Variants in MEF2B observed in about 807,000 individuals in gnomAD.
The protein encoded by MEF2B is myocyte enhancer factor 2B.
In MEF2B, 15 loss-of-function variants were observed where a neutral mutation model predicts 32.2. That is an observed-to-expected ratio of 0.47 (90% CI 0.31 to 0.72). MEF2B has a LOEUF of 0.72. MEF2B is among the 30% of genes least tolerant of loss of function. MEF2B has a pLI of 0.05. For synonymous variants in MEF2B, 205 were observed against 225.6 expected (o/e 0.91, Z 0.82); for missense variants, 441 against 511.5 (o/e 0.86, Z 1.33).
chr19:19,161,459 G>A (rs375206863), intron 1 of MEF2B, among the ~76,000 whole-genome samples: 14 of 151,934 alleles, frequency 9.2e-5, no homozygotes, highest in East Asian at 7.7e-4. Context: ...TGCAGTTCAC[G>A]ATACGCCAAA....
At chr19:19,149,553 G>T in intron 2 of MEF2B, 124 bp from the exon 3 acceptor site, 2 of 1,321,386 alleles carry the variant, frequency 1.5e-6, no homozygotes, top group Non-Finnish European at 2.1e-6. Flanking sequence ...TGGCTGAGCT[G>T]GTAATTCTCA....
chr19:19,158,074 A>T (rs1184120919), intron 1 of MEF2B, among the ~76,000 whole-genome samples: 1 of 150,018 alleles, frequency 6.7e-6, no homozygotes, highest in East Asian at 2.0e-4. Context: ...CGTGTGATTT[A>T]TTTCAAAAGG....
chr19:19,147,942 G>A lies in MEF2B; in HGVS notation c.259-110C>T. 3 of 1,465,164 alleles carry A rather than the reference G, an allele frequency of 2.0e-6. No individual in the cohort carries two copies. The East Asian group carries it at 7.2e-5, about 35-fold the overall frequency. The allele number at this position is 1,465,164 out of a possible 1,614,324, so 90.8% of individuals were successfully genotyped here. On this transcript the variant is annotated intron_variant, in intron 3 of 8. Transcript: ENST00000424583. Reference sequence around the variant, plus strand: ...CCCCACCCAGCTCCATGAGTGGGGAGGAATGCAGGCATGGCCTGCTCTAGC... The same window carrying A: ...CCCCACCCAGCTCCATGAGTGGGGAAGAATGCAGGCATGGCCTGCTCTAGC...
Position 19,146,400 on chromosome 19 carries a change from TG to T in MEF2B, c.770-17del. 2 of 1,087,740 alleles carry T rather than the reference TG, an allele frequency of 1.8e-6. No homozygotes were observed. Among genetic ancestry groups the T allele is most frequent in the Non-Finnish European group, 1.3e-6 (1 of 797,014 alleles). 67.4% of individuals were successfully genotyped at this position (1,087,740 alleles called of 1,614,324 possible). ...AGGCCATATTCTGGTGGGCAGGAAT[TG>T]GGGGCTGAGGCCTGGACATCTCCTT... On this transcript the variant is annotated splice_polypyrimidine_tract_variant and intron_variant, in intron 7 of 8. Transcript: ENST00000424583.
chr19:19,152,625 A>G (rs1363881478), intron 1 of MEF2B, among the ~76,000 whole-genome samples: 1 of 152,126 alleles, frequency 6.6e-6, no homozygotes, highest in Non-Finnish European at 1.5e-5. Context: ...AATCCCTTGA[A>G]CCTGGGAGGC....
rs1281814190 is a variant in MEF2B, at chr19:19,149,389, G to T, written c.95C>A (p.Ala32Asp). The change falls in exon 3 of 9, where the codon GCC becomes GAC. Residue 32 changes from alanine (A) to aspartate (D), a missense_variant. Around this residue, in one of 2 missense-constraint regions of MEF2B, gnomAD observed 115 missense variants for 183.1 expected, o/e 0.63. Transcript: ENST00000424583. ...TKRKFGLMKK[A>D]YELSVLCDCE... ...GTCACAGAGCACGCTCAGCTCATAG[G>T]CCTTCTTCATCAGCCCGAACTTCCG... 7 of 1,613,896 alleles carry T rather than the reference G, an allele frequency of 4.3e-6. No homozygotes were observed.
Position 19,165,666 on chromosome 19 carries a change from A to AG in MEF2B, c.-30+4538dup, listed in dbSNP as rs1001736571. Among the ~76,000 whole-genome samples, 6 of 152,118 alleles carry AG rather than the reference A, an allele frequency of 3.9e-5. No individual in the cohort carries two copies. In the South Asian group the frequency reaches 8.3e-4, roughly 21 times the overall value. ...AGGGAGCCATGGAAGGTGTGTGAGG[A>AG]GGGGGAGGACTGTGGTCTGATTTGG... On this transcript the variant is annotated intron_variant, in intron 1 of 8. Transcript: ENST00000424583.
At chr19:19,158,163 T>C (rs2006975) in intron 1 of MEF2B, among the ~76,000 whole-genome samples, 83,222 of 150,742 alleles carry the variant, frequency 0.55, 23,536 homozygotes, top group East Asian at 0.75. Context: ...TCTCAGCTCA[T>C]TGAAACCTCC....
intron 1 of MEF2B, among the ~76,000 whole-genome samples, chr19:19,151,584 G>A (rs1024486969): frequency 3.9e-5 from 6 of 152,180 alleles, no homozygotes; most frequent in Non-Finnish European, 5.9e-5. Context: ...GGACGTCCCC[G>A]CTCCGCCAAC....
intron 1 of MEF2B, among the ~76,000 whole-genome samples, chr19:19,166,686 G>A (rs114478924): frequency 0.015 from 2,321 of 151,706 alleles, 68 homozygotes; most frequent in African/African-American, 0.052. Context: ...TTGAGCCCAG[G>A]AGTTCAAGGT....
chr19:19,153,020 G>C (rs1423548341), intron 1 of MEF2B, among the ~76,000 whole-genome samples: 1 of 152,224 alleles, frequency 6.6e-6, no homozygotes, highest in Non-Finnish European at 1.5e-5. Context: ...CCACGGCTGG[G>C]ATATGTTGCC....
chr19:19,159,241 TA>T (rs35056015), intron 1 of MEF2B, among the ~76,000 whole-genome samples: 1,255 of 87,992 alleles, frequency 0.014, 22 homozygotes, highest in African/African-American at 0.051. Context: ...GTGCGTGGCC[TA>T]AAAAAAAAAA....
chr19:19,145,820 A>C lies in MEF2B; in HGVS notation c.1084T>G (p.Leu362Val). 1 of 1,533,416 alleles carries C rather than the reference A, an allele frequency of 6.5e-7. No individual in the cohort carries two copies. Among genetic ancestry groups the C allele is most frequent in the South Asian group, 1.2e-5 (1 of 83,068 alleles). 95.0% of individuals were successfully genotyped at this position (1,533,416 alleles called of 1,614,324 possible). ...RPGPALRRLPLADGWPR is the reference protein window; with the variant it reads ...RPGPALRRLPVADGWPR ...TCCTACCGGGGCCAGCCGTCGGCCA[A>C]GGGCAGCCGGCGCAGGGCGGGCCCA... is the stretch of plus-strand genomic sequence containing the variant. The change falls in exon 9 of 9, where the codon TTG (leucine) becomes GTG (valine). Residue 362 changes from leucine to valine, a missense_variant. By Grantham distance (32) the Leu-to-Val change is conservative. Around this residue, in one of 2 missense-constraint regions of MEF2B, gnomAD observed 326 missense variants for 328.4 expected, o/e 0.99. Transcript: ENST00000424583. The surrounding 1 kb of genome is among the most constrained non-coding windows in gnomAD (Gnocchi z 4.6).
chr19:19,154,568 C>G (rs758994334), intron 1 of MEF2B, among the ~76,000 whole-genome samples: 1 of 152,164 alleles, frequency 6.6e-6, no homozygotes, highest in East Asian at 1.9e-4. Flanking sequence ...TTCAGCCTCC[C>G]AAGTAGCTGA....
chr19:19,152,752 C>A (rs1390027460), intron 1 of MEF2B, among the ~76,000 whole-genome samples: 1 of 152,242 alleles, frequency 6.6e-6, no homozygotes, highest in Non-Finnish European at 1.5e-5. Context: ...GTTCTCAGGG[C>A]TTCCCAGACC....
intron 3 of MEF2B, among the ~76,000 whole-genome samples, chr19:19,148,419 T>C (rs2060045099): frequency 6.6e-6 from 1 of 152,002 alleles, no homozygotes; most frequent in Non-Finnish European, 1.5e-5. Context: ...GAGCTGAAAT[T>C]TTGCCACTGC....
Position 19,146,601 on chromosome 19 carries a change from G to A in MEF2B, c.723C>T (p.Pro241=), listed in dbSNP as rs142032500. The A allele has an allele frequency of 7.7e-5, 124 of 1,607,122 alleles. No individual in the cohort carries two copies. The African/African-American group carries it at 1.3e-3, about 16-fold the overall frequency. ...GLQNPCSTAT[P]GPPLGSFPFL... ...AGGGGAAGCTCCCCAGTGGGGGTCC[G>A]GGAGTTGCAGTGGAGCAGGGGTTCT... The change falls in exon 7 of 9, where the codon CCC becomes CCT. Residue 241 remains proline (P), a synonymous_variant. Coordinates refer to ENST00000424583, the MANE Select transcript of MEF2B (RefSeq NM_001145785.2).
chr19:19,156,502 G>T (rs959662574), intron 1 of MEF2B, among the ~76,000 whole-genome samples: 1 of 151,890 alleles, frequency 6.6e-6, no homozygotes, highest in Admixed American at 6.6e-5. Context: ...CTCTAAAAAA[G>T]AATAATAATT....
intron 1 of MEF2B, among the ~76,000 whole-genome samples, chr19:19,156,591 C>A (rs574097300): frequency 6.6e-6 from 1 of 152,060 alleles, no homozygotes; most frequent in Non-Finnish European, 1.5e-5. Context: ...TCTCACAGAA[C>A]AGGAAAGTGC....
Sources: gnomAD v4.1 joint callset for allele counts (sites outside exome capture counted in the v4.1 genomes callset) on GRCh38, gnomAD v4.1.1 for gene constraint, gnomAD v4.1.1 regional missense constraint, Gnocchi (gnomAD v3.1) non-coding constraint, MANE v1.5 for transcripts, NCBI Gene and HGNC (gene_info 2026-07-23, HGNC 2026-07-21) for gene names.